Variants in TYW1 observed in about 807,000 individuals in gnomAD.
The protein encoded by TYW1 is tRNA-yW synthesizing protein 1 homolog.
TYW1 carries 46 observed loss-of-function variants against 96.2 expected under a neutral mutation model. The observed-to-expected ratio is 0.48, with a 90% confidence interval of 0.38 to 0.61. The LOEUF is 0.61. Ranked by LOEUF, TYW1 falls within the 20% of genes least tolerant of loss-of-function variation. The probability of loss-of-function intolerance (pLI) is 0.00; values close to 1 mark genes in which losing one functional copy is unlikely to be tolerated. For missense variants in TYW1, 684 were observed against 909.6 expected (o/e 0.75, Z 3.19); for synonymous variants, 274 against 323.0 (o/e 0.85, Z 1.63).
chr7:67,065,640 C>A (rs1562993427), intron 9 of TYW1, among the ~76,000 whole-genome samples: 1 of 143,958 alleles, frequency 6.9e-6, no homozygotes, highest in African/African-American at 2.5e-5. Context: ...GACAGGGAAA[C>A]TTTTTTTTTT....
At chr7:67,191,132 G>A (rs6947514) in intron 14 of TYW1, among the ~76,000 whole-genome samples, 43,986 of 152,052 alleles carry the variant, frequency 0.29, 7,065 homozygotes, top group African/African-American at 0.43. Context: ...ATGGCAGAAG[G>A]CAGAGAAAGA....
chr7:67,165,615 C>CTTCTG, intron 13 of TYW1, among the ~76,000 whole-genome samples: 1 of 152,242 alleles, frequency 6.6e-6, no homozygotes, highest in South Asian at 2.1e-4. Flanking sequence ...TCCGTGAATA[C>CTTCTG]TTCTGTATAC....
chr7:67,117,440 A>G, intron 12 of TYW1, 43 bp from the exon 13 acceptor site: 1 of 1,583,950 alleles, frequency 6.3e-7, no homozygotes, highest in Non-Finnish European at 8.6e-7. Context: ...AGCCTGATAG[A>G]GGAATAATTT....
chr7:67,149,722 A>ATTATCTATCTATCTATC lies in TYW1; in HGVS notation c.1698+32105_1698+32106insTATCTATCTATCTATCT, dbSNP rs1554376826. Among the ~76,000 whole-genome samples, 7 of 140,236 alleles carry ATTATCTATCTATCTATC rather than the reference A, an allele frequency of 5.0e-5. No homozygotes were observed. The East Asian group carries it at 1.3e-3, about 25-fold the overall frequency. The allele number at this position is 140,236 out of a possible 152,430, so 92.0% of individuals were successfully genotyped here. ...GGAGCTTGTCAAAAAAGGAAAAAAA[A>ATTATCTATCTATCTATC]TATCTATCTATCTATCTATCTATCT... On this transcript the variant is annotated intron_variant, in intron 13 of 15. Transcript: ENST00000359626.
Position 67,210,706 on chromosome 7 carries a change from CCATT to C in TYW1, c.1977+15373_1977+15376del, listed in dbSNP as rs1406809704. Reference sequence around the variant, plus strand: ...TCCATCCATTCGTCCATCCATCCATCCATTCATCATCTGTATGTCCATCAGTCAT... The same window carrying C: ...TCCATCCATTCGTCCATCCATCCATCCATCATCTGTATGTCCATCAGTCAT... On this transcript the variant is annotated intron_variant, in intron 15 of 15. Coordinates refer to ENST00000359626, the MANE Select transcript of TYW1 (RefSeq NM_018264.4). Among the ~76,000 whole-genome samples, 14 of 82,814 alleles carry C rather than the reference CCATT, an allele frequency of 1.7e-4. 1 individual carries two copies. The highest frequency in any genetic ancestry group is 8.2e-4 in the South Asian group (2 of 2,438). 54.3% of individuals were successfully genotyped at this position (82,814 alleles called of 152,430 possible).
intron 13 of TYW1, among the ~76,000 whole-genome samples, chr7:67,155,613 C>T (rs919026323): frequency 7.3e-5 from 11 of 151,568 alleles, no homozygotes; most frequent in South Asian, 2.1e-4. Flanking sequence ...AGTGCAGTGG[C>T]GCGATCTCAA....
intron 6 of TYW1, among the ~76,000 whole-genome samples, chr7:67,018,776 C>T (rs1208777251): frequency 1.3e-5 from 2 of 151,344 alleles, no homozygotes; most frequent in African/African-American, 4.9e-5. Flanking sequence ...GCCAACGTGG[C>T]GAAACCCCAT....
chr7:67,081,561 G>C (rs1796393342), intron 10 of TYW1, among the ~76,000 whole-genome samples: 1 of 151,388 alleles, frequency 6.6e-6, no homozygotes, highest in African/African-American at 2.4e-5. Flanking sequence ...TTTCCCACCT[G>C]TTCTCCTTCT....
At chr7:67,184,742 C>T (rs1031808093) in intron 14 of TYW1, among the ~76,000 whole-genome samples, 3 of 150,576 alleles carry the variant, frequency 2.0e-5, no homozygotes, top group East Asian at 1.9e-4. Flanking sequence ...AAGTCTCGCT[C>T]TGTCACCCAG....
chr7:67,017,716 T>C, intron 5 of TYW1, 137 bp from the exon 6 acceptor site: 1 of 1,202,284 alleles, frequency 8.3e-7, no homozygotes, highest in South Asian at 1.6e-5. Context: ...TTGAAGGTCA[T>C]TTTGCCAGCA....
At chr7:67,061,708 T>C (rs1402490752) in intron 9 of TYW1, among the ~76,000 whole-genome samples, 1 of 152,234 alleles carries the variant, frequency 6.6e-6, no homozygotes, top group East Asian at 1.9e-4. Context: ...TTATTGAATT[T>C]ATATAAATAA....
At chr7:67,042,247 G>A (rs1427296389) in intron 7 of TYW1, among the ~76,000 whole-genome samples, 1 of 150,320 alleles carries the variant, frequency 6.7e-6, no homozygotes, top group Non-Finnish European at 1.5e-5. Flanking sequence ...TTAATAATTA[G>A]CTTATATAAG....
chr7:67,125,261 C>T (rs1797879454), intron 13 of TYW1, among the ~76,000 whole-genome samples: 1 of 152,060 alleles, frequency 6.6e-6, no homozygotes, highest in Non-Finnish European at 1.5e-5. Flanking sequence ...AAATCTTTGC[C>T]CACCCCAAGG....
intron 9 of TYW1, among the ~76,000 whole-genome samples, chr7:67,065,417 G>A (rs7780458): frequency 0.29 from 43,510 of 152,130 alleles, 6,412 homozygotes; most frequent in African/African-American, 0.33. Context: ...TGATTGAAGT[G>A]TACAGTTCTT....
chr7:67,046,503 G>T (rs1795190644), intron 7 of TYW1, among the ~76,000 whole-genome samples: 1 of 152,074 alleles, frequency 6.6e-6, no homozygotes, highest in Admixed American at 6.6e-5. Flanking sequence ...AGAAATCAAG[G>T]TTGGCTGATT....
chr7:67,032,947 G>T (rs1471713723), intron 7 of TYW1, among the ~76,000 whole-genome samples: 2 of 127,384 alleles, frequency 1.6e-5, no homozygotes, highest in Non-Finnish European at 3.1e-5. Flanking sequence ...TCCAGGCTGG[G>T]GTGCAGTGGC....
chr7:67,235,290 G>A (rs1239287942), intron 15 of TYW1, among the ~76,000 whole-genome samples: 1 of 152,140 alleles, frequency 6.6e-6, no homozygotes, highest in Non-Finnish European at 1.5e-5. Flanking sequence ...ATGCTATGTT[G>A]TATTATAATT....
intron 12 of TYW1, among the ~76,000 whole-genome samples, chr7:67,114,131 C>A (rs1282830534): frequency 6.6e-6 from 1 of 152,204 alleles, no homozygotes; most frequent in Non-Finnish European, 1.5e-5. Context: ...CTCTCCTTCT[C>A]TTTCACCCTC....
intron 11 of TYW1, among the ~76,000 whole-genome samples, chr7:67,096,409 AAAAC>A (rs1031422997): frequency 1.2e-4 from 19 of 152,086 alleles, no homozygotes; most frequent in Non-Finnish European, 2.1e-4. Context: ...ACAAACAAAC[AAAAC>A]AAAGATGTCC....
Sources: gnomAD v4.1 joint callset for allele counts (sites outside exome capture counted in the v4.1 genomes callset) on GRCh38, gnomAD v4.1.1 for gene constraint, MANE v1.5 for transcripts, NCBI Gene and HGNC (gene_info 2026-07-23, HGNC 2026-07-21) for gene names.